OTUD7A: variants seen among roughly 807,000 people sequenced by gnomAD.
OTUD7A encodes the protein OTU deubiquitinase 7A.
In OTUD7A, 12 loss-of-function variants were observed where a neutral mutation model predicts 65.7. The observed-to-expected ratio is 0.18, with a 90% confidence interval of 0.12 to 0.30. The LOEUF (loss-of-function observed/expected upper bound fraction) is 0.30. Among genes scored for constraint, OTUD7A ranks in the 10% least tolerant of loss-of-function variants. The pLI, the probability that OTUD7A is intolerant of heterozygous loss-of-function variation, is 1.00. For missense variants in OTUD7A, 1,148 were observed against 1,304.8 expected, an observed-to-expected ratio of 0.88 and a Z score of 1.85; for synonymous variants, 641 against 586.3, an observed-to-expected ratio of 1.09 and a Z score of -1.35.
In OTUD7A at chr15:31,669,737, C is replaced by T. The variant is rs541145873; in HGVS notation, c.-99-12660G>A. Among the ~76,000 whole-genome samples, 4 of 152,186 alleles carry T rather than the reference C, an allele frequency of 2.6e-5. No individual in the cohort carries two copies. The East Asian group carries it at 7.7e-4, about 29-fold the overall frequency. ...CTTCTCCCTGTGGTGTTTTTCCCCC[C>T]TCCTCTGGCTTCCCTCCCAAAGGAT... On this transcript the variant is annotated intron_variant, in intron 1 of 12. Coordinates refer to ENST00000307050, the MANE Select transcript of OTUD7A (RefSeq NM_001382637.1).
intron 1 of OTUD7A, among the ~76,000 whole-genome samples, chr15:31,861,016 G>T (rs886350153): frequency 6.6e-6 from 1 of 151,452 alleles, no homozygotes. Flanking sequence ...ACCACACCCA[G>T]CCAGAGATAA....
chr15:31,848,995 G>C (rs978159455), intron 1 of OTUD7A, among the ~76,000 whole-genome samples: 1 of 152,222 alleles, frequency 6.6e-6, no homozygotes, highest in Non-Finnish European at 1.5e-5. Context: ...AGTTTGGCTG[G>C]ATATGAAATT....
chr15:31,623,455 T>C (rs977030840), intron 3 of OTUD7A, among the ~76,000 whole-genome samples: 11 of 152,220 alleles, frequency 7.2e-5, no homozygotes, highest in Admixed American at 6.5e-4. Flanking sequence ...TACTCAAGCC[T>C]GAGCAATGGC....
chr15:31,565,915 G>A (rs1485654257), intron 4 of OTUD7A, among the ~76,000 whole-genome samples: 4 of 152,102 alleles, frequency 2.6e-5, no homozygotes, highest in Non-Finnish European at 4.4e-5. Context: ...ATTTCAGGCC[G>A]GGCACGGTGG....
At chr15:31,726,347 G>GCA (rs5811658) in intron 1 of OTUD7A, among the ~76,000 whole-genome samples, 40,386 of 149,734 alleles carry the variant, frequency 0.27, 5,417 homozygotes, top group Admixed American at 0.31. Flanking sequence ...ACACACACAC[G>GCA]CACACACACA....
intron 1 of OTUD7A, among the ~76,000 whole-genome samples, chr15:31,730,969 C>T (rs1894026001): frequency 6.6e-6 from 1 of 152,226 alleles, no homozygotes. Context: ...AAAGGAAAAA[C>T]TACAAAATAT....
At chr15:31,689,282 C>T (rs1892910077) in intron 1 of OTUD7A, 1 of 150,470 alleles carries the variant, frequency 6.6e-6, no homozygotes, top group Non-Finnish European at 1.5e-5. Context: ...AGAACCACTA[C>T]CAGCTCTATT....
chr15:31,558,835 A>G (rs1012144598), intron 5 of OTUD7A, 134 bp downstream of exon 5: 3 of 928,854 alleles, frequency 3.2e-6, no homozygotes, highest in East Asian at 2.6e-5. Flanking sequence ...GGTGCGGTGC[A>G]GCATCTAGAA....
intron 8 of OTUD7A, among the ~76,000 whole-genome samples, chr15:31,509,364 C>T (rs539096343): frequency 6.6e-6 from 1 of 152,066 alleles, no homozygotes; most frequent in African/African-American, 2.4e-5. Context: ...CCGCAAATTC[C>T]ACCTCCTGGG....
intron 8 of OTUD7A, among the ~76,000 whole-genome samples, chr15:31,512,377 G>A (rs1358360573): frequency 1.3e-5 from 2 of 152,154 alleles, no homozygotes; most frequent in African/African-American, 4.8e-5. Flanking sequence ...ATCCCCATAC[G>A]GGTCACCAAA....
chr15:31,679,199 A>G (rs1892658405), intron 1 of OTUD7A, among the ~76,000 whole-genome samples: 1 of 152,200 alleles, frequency 6.6e-6, no homozygotes, highest in Admixed American at 6.5e-5. Flanking sequence ...CCCCCATTGT[A>G]TCTAGGAAGT....
intron 10 of OTUD7A, among the ~76,000 whole-genome samples, chr15:31,495,791 C>T (rs776721152): frequency 2.0e-5 from 3 of 152,118 alleles, no homozygotes; most frequent in South Asian, 2.1e-4. Context: ...GCTGGCCGGG[C>T]GTAGTGGCTC....
At chr15:31,797,032 C>T (rs1895981054) in intron 1 of OTUD7A, among the ~76,000 whole-genome samples, 1 of 152,244 alleles carries the variant, frequency 6.6e-6, no homozygotes, top group East Asian at 1.9e-4. Context: ...CGGCACCTGG[C>T]CTCAAACATT....
At chr15:31,814,113 C>G (rs1418600282) in intron 1 of OTUD7A, among the ~76,000 whole-genome samples, 1 of 152,274 alleles carries the variant, frequency 6.6e-6, no homozygotes, top group Non-Finnish European at 1.5e-5. Flanking sequence ...GCTTATTTCT[C>G]ACGCATGCTA....
Position 31,483,643 on chromosome 15 carries a change from G to A in OTUD7A, c.2453C>T (p.Pro818Leu). Residue 818 changes from proline (P) to leucine (L), a missense_variant, in exon 13 of 13, where the codon CCG (proline) becomes CTG (leucine). Coordinates refer to ENST00000307050, the MANE Select transcript of OTUD7A (RefSeq NM_001382637.1). ...NRSLSSQSYSPARAAALRTVN... is the reference protein window; with the variant it reads ...NRSLSSQSYSLARAAALRTVN... Reference sequence around the variant, plus strand: ...GGTGCGCAGGGCGGCGGCGCGCGCCGGGCTGTAGCTCTGCGACGACAGCGA... The same window carrying A: ...GGTGCGCAGGGCGGCGGCGCGCGCCAGGCTGTAGCTCTGCGACGACAGCGA... 6 of 1,175,288 alleles carry A rather than the reference G, an allele frequency of 5.1e-6. No individual in the cohort carries two copies. Among genetic ancestry groups the A allele is most frequent in the South Asian group, 4.0e-5 (1 of 24,764 alleles). 72.8% of individuals were successfully genotyped at this position (1,175,288 alleles called of 1,614,324 possible). A position where few individuals can be genotyped will look rare whatever the true frequency, so the allele number is the denominator to read the frequency against.
chr15:31,559,181 C>T lies in OTUD7A; in HGVS notation c.338G>A (p.Arg113Gln), dbSNP rs1334762255. 2 of 1,612,828 alleles carry T rather than the reference C, an allele frequency of 1.2e-6. No homozygotes were observed. Among genetic ancestry groups the T allele is most frequent in the South Asian group, 1.1e-5 (1 of 90,974 alleles). The change falls in exon 5 of 13, where the codon CGG becomes CAG. Residue 113 changes from arginine to glutamine, a missense_variant. Coordinates refer to ENST00000307050, the MANE Select transcript of OTUD7A (RefSeq NM_001382637.1). ...QRQDDIAQEK[R>Q]LSRGISHASS... is the part of the protein sequence containing the mutation. ...GGCGTGGGAAATCCCCCGGGAAAGCCGCTTTTCTGCAGGGGGAGAAGGAAA... is the reference window on the plus strand; with the variant it reads ...GGCGTGGGAAATCCCCCGGGAAAGCTGCTTTTCTGCAGGGGGAGAAGGAAA...
intron 1 of OTUD7A, among the ~76,000 whole-genome samples, chr15:31,796,158 T>TGTGTGG (rs971684122): frequency 1.3e-5 from 2 of 150,590 alleles, no homozygotes; most frequent in African/African-American, 4.9e-5. Context: ...TGTGTGTGTG[T>TGTGTGG]GTGTGTGTAT....
chr15:31,686,750 C>T (rs1892845953), intron 1 of OTUD7A, among the ~76,000 whole-genome samples: 1 of 152,182 alleles, frequency 6.6e-6, no homozygotes, highest in South Asian at 2.1e-4. Context: ...GCAGAGGAAC[C>T]CCACAGGGCC....
At chr15:31,780,411 T>C (rs898712428) in intron 1 of OTUD7A, among the ~76,000 whole-genome samples, 2 of 152,156 alleles carry the variant, frequency 1.3e-5, no homozygotes, top group Non-Finnish European at 2.9e-5. Flanking sequence ...AAAAAAAGTA[T>C]AAAAAACCTA....
Sources: allele counts gnomAD v4.1 joint callset (sites outside exome capture counted in the v4.1 genomes callset), GRCh38; gene constraint gnomAD v4.1.1; transcripts MANE v1.5; gene names NCBI Gene and HGNC (gene_info 2026-07-23, HGNC 2026-07-21).